OSBP2: variants seen among roughly 807,000 people sequenced by gnomAD.
The protein encoded by OSBP2 is oxysterol-binding protein 2.
A neutral mutation model predicts 96.0 loss-of-function variants in OSBP2; 66 were observed. The ratio of observed to expected loss-of-function variants is 0.69; its 90% CI spans 0.56 to 0.84. The LOEUF (loss-of-function observed/expected upper bound fraction) is 0.84. Ranked by LOEUF, OSBP2 falls within the 40% of genes least tolerant of loss-of-function variation. OSBP2 has a pLI of 0.00. For synonymous variants in OSBP2, 525 were observed against 520.9 expected (o/e 1.01, Z -0.11); for missense variants, 1,038 against 1,222.7 (o/e 0.85, Z 2.25).
rs73884436 is a variant in OSBP2 at position 30,780,148 on chromosome 22, C to T, written c.853+38779C>T. On this transcript the variant is annotated intron_variant, in intron 2 of 13. Coordinates refer to ENST00000332585, the MANE Select transcript of OSBP2 (RefSeq NM_030758.4). ...TCAGTCCTTGAGGGGCCCACAGCCCCGGGCGAGCAGAAAGGCACTGTTATT... is the reference window on the plus strand; with the variant it reads ...TCAGTCCTTGAGGGGCCCACAGCCCTGGGCGAGCAGAAAGGCACTGTTATT... 2.4e-4 allele frequency among the ~76,000 whole-genome samples: 36 copies of T among 152,336 alleles called. No homozygotes were observed. In the South Asian group the frequency reaches 3.7e-3, roughly 16 times the overall value.
chr22:30,893,473 C>T lies in OSBP2; in HGVS notation c.2001C>T (p.His667=), dbSNP rs754158695. 1.2e-5 allele frequency: 19 copies of T among 1,613,878 alleles called. No individual in the cohort carries two copies. Among genetic ancestry groups the T allele is most frequent in the South Asian group, 5.5e-5 (5 of 91,092 alleles). Residue 667 remains histidine, a synonymous_variant, in exon 10 of 14, where the codon CAC becomes CAT. Transcript: ENST00000332585. ...GTCCCCTGCCTCCAGGTGCCATCCA[C>T]TTAGAATTCCAGGCCAGTGGGAATC... is the stretch of plus-strand genomic sequence containing the variant. The part of the protein sequence containing the change: ...YISIMPLGAI[H]LEFQASGNHY...
At chr22:30,818,300 G>T (rs2091104780) in intron 2 of OSBP2, among the ~76,000 whole-genome samples, 1 of 151,924 alleles carries the variant, frequency 6.6e-6, no homozygotes, top group African/African-American at 2.4e-5. Context: ...TTTTAGCACG[G>T]TTTATTTCCC....
chr22:30,828,761 C>T (rs571658416), intron 2 of OSBP2, among the ~76,000 whole-genome samples: 34 of 152,154 alleles, frequency 2.2e-4, no homozygotes, highest in South Asian at 6.2e-4. Flanking sequence ...GTAGAGAGGG[C>T]GAGAGCTCAA....
At chr22:30,839,767 G>A (rs1017404022) in intron 2 of OSBP2, among the ~76,000 whole-genome samples, 9 of 151,736 alleles carry the variant, frequency 5.9e-5, no homozygotes, top group Non-Finnish European at 1.0e-4. Context: ...AGTAGGTTGC[G>A]AAAATTTTCT....
chr22:30,771,796 A>T (rs2090349754), intron 2 of OSBP2, among the ~76,000 whole-genome samples: 1 of 152,198 alleles, frequency 6.6e-6, no homozygotes, highest in African/African-American at 2.4e-5. Context: ...CTGAGCTTGA[A>T]GGTGGGAAGG....
At chr22:30,779,304 T>C (rs1275406700) in intron 2 of OSBP2, among the ~76,000 whole-genome samples, 2 of 150,580 alleles carry the variant, frequency 1.3e-5, no homozygotes, top group Non-Finnish European at 3.0e-5. Flanking sequence ...TTTTGCCATG[T>C]TGGCCAGGCA....
intron 2 of OSBP2, among the ~76,000 whole-genome samples, chr22:30,790,529 A>T (rs2090658964): frequency 6.6e-6 from 1 of 152,044 alleles, no homozygotes; most frequent in Non-Finnish European, 1.5e-5. Context: ...GCGCACACAC[A>T]TGTGGTTGCT....
intron 2 of OSBP2, among the ~76,000 whole-genome samples, chr22:30,743,788 ACGACAGCCAGTG>A (rs1364528642): frequency 4.6e-5 from 7 of 152,158 alleles, no homozygotes; most frequent in African/African-American, 1.4e-4. Context: ...CAGTTTTCCT[ACGACAGCCAGTG>A]CGAGGGGTTT....
intron 1 of OSBP2, among the ~76,000 whole-genome samples, chr22:30,727,565 G>A (rs2089671187): frequency 6.6e-6 from 1 of 152,114 alleles, no homozygotes; most frequent in African/African-American, 2.4e-5. Flanking sequence ...CCACCCCAGA[G>A]AGGACACTGA....
rs540198909 is a variant in OSBP2, at chr22:30,875,373, GTTTT to G, written c.1107+4700_1107+4703del. On this transcript the variant is annotated intron_variant, in intron 3 of 13. Transcript: ENST00000332585. ...ATTTTGATTGGCAGGGTTCTTTGTT[GTTTT>G]TTTTTTTTCTTTGAGATGGAGTTTC... Among the ~76,000 whole-genome samples, 365 of 145,670 alleles carry G rather than the reference GTTTT, an allele frequency of 2.5e-3. 3 individuals are homozygous for G. Among genetic ancestry groups the G allele is most frequent in the African/African-American group, 8.8e-3 (354 of 40,084 alleles).
intron 2 of OSBP2, among the ~76,000 whole-genome samples, chr22:30,811,715 C>T (rs931467945): frequency 2.6e-5 from 4 of 151,748 alleles, no homozygotes; most frequent in African/African-American, 9.7e-5. Context: ...CCACCACACC[C>T]GGCCAATTTT....
At chr22:30,849,677 T>C (rs1226742731) in intron 2 of OSBP2, among the ~76,000 whole-genome samples, 1 of 152,196 alleles carries the variant, frequency 6.6e-6, no homozygotes, top group Admixed American at 6.5e-5. Flanking sequence ...TCTCCTGTGG[T>C]TTACCTTTTC....
At chr22:30,832,278 CTTTTTCT>C (rs1476388355) in intron 2 of OSBP2, among the ~76,000 whole-genome samples, 1 of 151,806 alleles carries the variant, frequency 6.6e-6, no homozygotes, top group Non-Finnish European at 1.5e-5. Flanking sequence ...AGTTAATTTT[CTTTTTCT>C]TTTTTCTTTT....
intron 1 of OSBP2, among the ~76,000 whole-genome samples, chr22:30,730,031 C>T (rs911720156): frequency 2.0e-5 from 3 of 151,884 alleles, no homozygotes; most frequent in Non-Finnish European, 2.9e-5. Flanking sequence ...CAATCTCGCT[C>T]GGCTCACTGC....
At chr22:30,829,046 A>G (rs2146998720) in intron 2 of OSBP2, among the ~76,000 whole-genome samples, 1 of 152,206 alleles carries the variant, frequency 6.6e-6, no homozygotes, top group Middle Eastern at 3.4e-3. Context: ...AGTGACAGTG[A>G]GGAAGGCATT....
chr22:30,729,133 C>G (rs2089703318), intron 1 of OSBP2, among the ~76,000 whole-genome samples: 1 of 152,134 alleles, frequency 6.6e-6, no homozygotes, highest in African/African-American at 2.4e-5. Context: ...AGTGCCTACT[C>G]AAGTTTTTTA....
intron 2 of OSBP2, among the ~76,000 whole-genome samples, chr22:30,792,763 C>A (rs1444067657): frequency 6.6e-6 from 1 of 152,196 alleles, no homozygotes; most frequent in East Asian, 1.9e-4. Flanking sequence ...ATGAAAAGCA[C>A]AAGCCTCCGG....
upstream of OSBP2, chr22:30,693,809 A>G: frequency 2.4e-6 from 1 of 417,306 alleles, no homozygotes; most frequent in East Asian, 4.9e-5. Context: ...TCTACTAAAA[A>G]TACAAAATTT....
chr22:30,779,517 G>A (rs942506006), intron 2 of OSBP2, among the ~76,000 whole-genome samples: 3 of 151,816 alleles, frequency 2.0e-5, no homozygotes, highest in Non-Finnish European at 4.4e-5. Flanking sequence ...CATGTTTTTT[G>A]GATGGGGACA....
Sources: allele counts gnomAD v4.1 joint callset (sites outside exome capture counted in the v4.1 genomes callset), GRCh38; gene constraint gnomAD v4.1.1; transcripts MANE v1.5; gene names NCBI Gene and HGNC (gene_info 2026-07-23, HGNC 2026-07-21).